The following MYH11 variants were observed in gnomAD, a reference collection of about 807,000 sequenced individuals.
MYH11 encodes myosin-11.
Under a neutral mutation model 246.6 loss-of-function variants are expected in MYH11, and 80 were observed. The observed-to-expected ratio is 0.32, with a 90% confidence interval of 0.27 to 0.39. MYH11 has a LOEUF of 0.39. Ranked by LOEUF, MYH11 falls within the 10% of genes least tolerant of loss-of-function variation. The pLI is 1.00. For synonymous variants in MYH11, 1,071 were observed against 1,015.5 expected, an observed-to-expected ratio of 1.05 and a Z score of -1.04; for missense variants, 2,158 against 2,546.8, an observed-to-expected ratio of 0.85 and a Z score of 3.29.
intron 4 of MYH11, among the ~76,000 whole-genome samples, chr16:15,790,649 C>T (rs1369527972): frequency 6.6e-6 from 1 of 152,114 alleles, no homozygotes; most frequent in Non-Finnish European, 1.5e-5. Context: ...GTCTGAGCAC[C>T]CTAAACTCCT....
intron 3 of MYH11, among the ~76,000 whole-genome samples, chr16:15,807,119 G>A (rs1021642755): frequency 1.8e-4 from 27 of 152,018 alleles, no homozygotes; most frequent in African/African-American, 4.8e-4. Flanking sequence ...ATGCCACTAC[G>A]CCTGGCTAAT....
intron 37 of MYH11, 66 bp from the exon 38 acceptor site, chr16:15,717,414 G>A: frequency 6.5e-7 from 1 of 1,532,528 alleles, no homozygotes; most frequent in Non-Finnish European, 8.9e-7. Flanking sequence ...CTGAGACCAT[G>A]CCTCTTCCTG....
chr16:15,773,941 C>T (rs1310397215), intron 8 of MYH11, among the ~76,000 whole-genome samples: 1 of 152,026 alleles, frequency 6.6e-6, no homozygotes, highest in East Asian at 1.9e-4. Context: ...GCCTTTCTTT[C>T]TCCTGCACCA....
intron 13 of MYH11, 26 bp downstream of exon 13, chr16:15,757,801 G>A (rs1274654409): frequency 6.2e-7 from 1 of 1,614,110 alleles, no homozygotes; most frequent in Admixed American, 1.7e-5. Flanking sequence ...GTGTGACGGA[G>A]CCCCGCACGC....
chr16:15,714,900 G>T lies in MYH11; in HGVS notation c.5786+9C>A. On this transcript the variant is annotated intron_variant, in intron 40 of 40. Coordinates refer to ENST00000300036, the MANE Select transcript of MYH11 (RefSeq NM_002474.3). ...GAGACGGGGTCCTCCCGGGCCACGGGCTCCTCACCTGAGCTTGCTCTTGAG... is the reference window on the plus strand; with the variant it reads ...GAGACGGGGTCCTCCCGGGCCACGGTCTCCTCACCTGAGCTTGCTCTTGAG... The T allele has an allele frequency of 6.2e-7, 1 of 1,613,232 alleles. No individual in the cohort carries two copies.
At position 15,753,467 on chromosome 16, in the gene MYH11, G is replaced by A. The variant is rs1305382714; in HGVS notation, c.1791C>T (p.Asp597=). Residue 597 remains aspartate (D), a synonymous_variant, in exon 15 of 41, where the codon GAC becomes GAT. Coordinates refer to ENST00000300036, the MANE Select transcript of MYH11 (RefSeq NM_002474.3). ...NASAWLTKNM[D]PLNDNVTSLL... is the part of the protein sequence containing the mutation. Reference sequence around the variant, plus strand: ...GGGAAGTCACGTTGTCATTCAGCGGGTCCATATTCTTGGTCAGCCAGGCAC... The same window carrying A: ...GGGAAGTCACGTTGTCATTCAGCGGATCCATATTCTTGGTCAGCCAGGCAC... 6.2e-7 allele frequency: 1 copy of A among 1,614,138 alleles called. No homozygotes were observed. The highest frequency in any genetic ancestry group is 1.7e-5 in the Admixed American group (1 of 60,018).
intron 27 of MYH11, among the ~76,000 whole-genome samples, chr16:15,729,928 C>G (rs1363859094): frequency 6.6e-6 from 1 of 151,872 alleles, no homozygotes; most frequent in Non-Finnish European, 1.5e-5. Flanking sequence ...CTTGGTGATC[C>G]GCCTATCTCA....
chr16:15,717,449 C>T lies in MYH11; in HGVS notation c.5296-101G>A. The T allele has an allele frequency of 4.0e-6, 5 of 1,254,216 alleles. No homozygotes were observed. The South Asian group carries it at 6.3e-5, about 16-fold the overall frequency. 77.7% of individuals were successfully genotyped at this position (1,254,216 alleles called of 1,614,324 possible). ...GCCTTGTTTGGCCTCTGCACGAGTC[C>T]CTTGATCCCGGGCACCCTGTCCTCT... On this transcript the variant is annotated intron_variant, in intron 37 of 40. Transcript: ENST00000300036.
intron 2 of MYH11, among the ~76,000 whole-genome samples, chr16:15,836,721 T>TC (rs1306806826): frequency 4.1e-5 from 5 of 121,162 alleles, no homozygotes; most frequent in Non-Finnish European, 8.4e-5. Flanking sequence ...TAATGTTTCT[T>TC]TTTTTTTTTT....
chr16:15,782,529 G>T, intron 5 of MYH11, 52 bp from the exon 6 acceptor site: 2 of 1,445,294 alleles, frequency 1.4e-6, no homozygotes, highest in Non-Finnish European at 9.7e-7. Context: ...GGTCCTGACA[G>T]TTCTACCTTG....
At chr16:15,794,861 C>T (rs1020423133) in intron 4 of MYH11, among the ~76,000 whole-genome samples, 5 of 152,220 alleles carry the variant, frequency 3.3e-5, no homozygotes, top group Non-Finnish European at 4.4e-5. Context: ...AGGGCCACAA[C>T]AGAGGAGGAC....
intron 2 of MYH11, among the ~76,000 whole-genome samples, chr16:15,835,494 G>T (rs2043867142): frequency 6.6e-6 from 1 of 152,148 alleles, no homozygotes; most frequent in Non-Finnish European, 1.5e-5. Context: ...AAAATGTGCA[G>T]GACATTTTTA....
In MYH11 at chr16:15,724,241, G is replaced by C. The variant is rs753916027; in HGVS notation, c.4285C>G (p.Leu1429Val). Reference protein sequence around the residue: ...EKTKNRLQQELDDLVVDLDNQ... With the variant: ...EKTKNRLQQEVDDLVVDLDNQ... ...TCCAAATCAACAACCAGGTCGTCCAGCTCCTGCTGAAGCCTGTTCTTGGTC... is the reference window on the plus strand; with the variant it reads ...TCCAAATCAACAACCAGGTCGTCCACCTCCTGCTGAAGCCTGTTCTTGGTC... Residue 1429 changes from leucine to valine, a missense_variant, in exon 31 of 41, where the codon CTG (leucine) becomes GTG (valine). Coordinates refer to ENST00000300036, the MANE Select transcript of MYH11 (RefSeq NM_002474.3). The C allele has an allele frequency of 3.1e-6, 5 of 1,614,216 alleles. No individual in the cohort carries two copies. Among genetic ancestry groups the C allele is most frequent in the South Asian group, 2.2e-5 (2 of 91,080 alleles).
At chr16:15,774,139 C>T (rs1596815725) in intron 8 of MYH11, among the ~76,000 whole-genome samples, 1 of 152,328 alleles carries the variant, frequency 6.6e-6, no homozygotes. Context: ...CTGAAGGCAC[C>T]AGTTAACTCA....
intron 10 of MYH11, 55 bp downstream of exon 10, chr16:15,763,741 T>TGGGGGGGGGCCCCCCCCCCCCCCCC: frequency 1.5e-6 from 1 of 646,862 alleles, no homozygotes; most frequent in African/African-American, 2.1e-5. Context: ...AAATGTCACC[T>TGGGGGGGGGCCCCCCCCCCCCCCCC]CCCCCACCCC....
chr16:15,781,579 T>C (rs1053811588), intron 6 of MYH11, among the ~76,000 whole-genome samples: 2 of 152,220 alleles, frequency 1.3e-5, no homozygotes, highest in African/African-American at 2.4e-5. Flanking sequence ...ACCGCTTCTT[T>C]TGCACAATAA....
intron 1 of MYH11, among the ~76,000 whole-genome samples, chr16:15,855,336 A>G (rs1389153124): frequency 6.6e-6 from 1 of 152,182 alleles, no homozygotes; most frequent in Non-Finnish European, 1.5e-5. Context: ...AAGTCAGTTT[A>G]TGTTTTCTTC....
chr16:15,717,695 T>C (rs942499094), intron 37 of MYH11: 2 of 381,232 alleles, frequency 5.2e-6, no homozygotes, highest in African/African-American at 2.1e-5. Flanking sequence ...ACTTGGGAGG[T>C]TGAAGCAGGA....
intron 6 of MYH11, among the ~76,000 whole-genome samples, chr16:15,782,175 C>T (rs2042370517): frequency 6.6e-6 from 1 of 152,100 alleles, no homozygotes; most frequent in African/African-American, 2.4e-5. Context: ...GCCACCGCAC[C>T]AGGCCAATCA....
Sources: gnomAD v4.1 joint callset for allele counts (sites outside exome capture counted in the v4.1 genomes callset) on GRCh38, gnomAD v4.1.1 for gene constraint, MANE v1.5 for transcripts, NCBI Gene and HGNC (gene_info 2026-07-23, HGNC 2026-07-21) for gene names.